RMND5A: variants seen among roughly 807,000 people sequenced by gnomAD.
The protein encoded by RMND5A is E3 ubiquitin-protein transferase RMND5A.
Under a neutral mutation model 49.7 loss-of-function variants are expected in RMND5A, and 17 were observed. The ratio of observed to expected loss-of-function variants is 0.34; its 90% CI spans 0.23 to 0.51. The LOEUF (loss-of-function observed/expected upper bound fraction) is 0.51. Among genes scored for constraint, RMND5A ranks in the 20% least tolerant of loss-of-function variants. The pLI is 0.96. For missense variants in RMND5A, 255 were observed against 471.3 expected, an observed-to-expected ratio of 0.54 and a Z score of 4.25; for synonymous variants, 156 against 167.7, an observed-to-expected ratio of 0.93 and a Z score of 0.54.
At chr2:86,752,419 A>C (rs1327557468) in intron 3 of RMND5A, among the ~76,000 whole-genome samples, 1 of 152,234 alleles carries the variant, frequency 6.6e-6, no homozygotes. Context: ...AAACGATTTT[A>C]TCAAATGAAT....
At chr2:86,759,219 T>C (rs1213232787) in intron 4 of RMND5A, among the ~76,000 whole-genome samples, 1 of 152,200 alleles carries the variant, frequency 6.6e-6, no homozygotes, top group East Asian at 1.9e-4. Context: ...TGAAATCTTG[T>C]ATTTATTTTT....
At chr2:86,743,253 G>GA (rs965890896) in intron 2 of RMND5A, among the ~76,000 whole-genome samples, 8 of 152,044 alleles carry the variant, frequency 5.3e-5, no homozygotes, top group African/African-American at 1.9e-4. Context: ...GATATCAAGG[G>GA]AACACATTTA....
At chr2:86,757,087 T>A (rs1681753149) in intron 4 of RMND5A, among the ~76,000 whole-genome samples, 1 of 148,868 alleles carries the variant, frequency 6.7e-6, no homozygotes, top group Non-Finnish European at 1.5e-5. Context: ...GGCAGGAGAA[T>A]CGCTTGAACC....
At chr2:86,732,401 A>G (rs1351711223) in intron 1 of RMND5A, among the ~76,000 whole-genome samples, 7 of 149,348 alleles carry the variant, frequency 4.7e-5, no homozygotes, top group Non-Finnish European at 1.0e-4. Context: ...TGTCAATATT[A>G]ATGATATATT....
chr2:86,770,251 T>G, intron 7 of RMND5A, 126 bp downstream of exon 7: 1 of 705,242 alleles, frequency 1.4e-6, no homozygotes. Context: ...CTTTTATGGA[T>G]ATATAAAAGA....
At chr2:86,734,489 C>T (rs1286275962) in intron 1 of RMND5A, among the ~76,000 whole-genome samples, 3 of 141,556 alleles carry the variant, frequency 2.1e-5, no homozygotes, top group Admixed American at 6.9e-5. Flanking sequence ...GAGTCTCGCT[C>T]TGTCACCGAG....
chr2:86,751,455 C>CACTT (rs1346404267), intron 2 of RMND5A, among the ~76,000 whole-genome samples: 1 of 152,180 alleles, frequency 6.6e-6, no homozygotes, highest in Non-Finnish European at 1.5e-5. Context: ...CCCCCACAAC[C>CACTT]ACTTTCAGCC....
At chr2:86,725,132 C>T (rs1347002006) in intron 1 of RMND5A, among the ~76,000 whole-genome samples, 1 of 62,624 alleles carries the variant, frequency 1.6e-5, no homozygotes. Context: ...TTTAGACTAA[C>T]GGAGTTCTAA....
intron 4 of RMND5A, among the ~76,000 whole-genome samples, chr2:86,761,684 C>T (rs1049591846): frequency 1.3e-5 from 2 of 152,106 alleles, no homozygotes; most frequent in Non-Finnish European, 2.9e-5. Context: ...CAAAGAAATA[C>T]GACTTTTAAG....
chr2:86,768,221 T>A (rs369317020), intron 6 of RMND5A, among the ~76,000 whole-genome samples: 5 of 152,360 alleles, frequency 3.3e-5, no homozygotes, highest in South Asian at 4.1e-4. Flanking sequence ...AAAGGGGTCC[T>A]GAAACCAAAA....
intron 4 of RMND5A, among the ~76,000 whole-genome samples, chr2:86,755,720 T>C (rs1681725152): frequency 6.6e-6 from 1 of 152,230 alleles, no homozygotes; most frequent in South Asian, 2.1e-4. Context: ...GTTATGTATA[T>C]TGATTATTTC....
intron 2 of RMND5A, among the ~76,000 whole-genome samples, chr2:86,748,962 C>T (rs1208322897): frequency 6.6e-6 from 1 of 152,170 alleles, no homozygotes; most frequent in Non-Finnish European, 1.5e-5. Context: ...CTTAATTCAT[C>T]TCTCTATTCT....
chr2:86,729,148 A>C (rs1031064805), intron 1 of RMND5A, among the ~76,000 whole-genome samples: 1 of 152,250 alleles, frequency 6.6e-6, no homozygotes, highest in Non-Finnish European at 1.5e-5. Context: ...GGTCTGCTTA[A>C]CATTGTAAAG....
At chr2:86,731,977 T>C (rs1258502518) in intron 1 of RMND5A, among the ~76,000 whole-genome samples, 6 of 44,838 alleles carry the variant, frequency 1.3e-4, no homozygotes, top group African/African-American at 8.4e-4. Flanking sequence ...CTGCGGAATC[T>C]TATTTCTGTG....
chr2:86,753,833 T>C (rs529483641), intron 4 of RMND5A, among the ~76,000 whole-genome samples: 2 of 152,352 alleles, frequency 1.3e-5, no homozygotes, highest in South Asian at 4.1e-4. Flanking sequence ...CCACTTTGTG[T>C]GGGCTGACAT....
chr2:86,769,917 G>A lies in RMND5A; in HGVS notation c.855-106G>A, dbSNP rs118097501. On this transcript the variant is annotated intron_variant, in intron 6 of 8. Transcript: ENST00000283632. ...GAACAGAAAGCTCTCACCCTGTCCA[G>A]TGGCCAGGGTCTGCAGCACATAGAG... The A allele has an allele frequency of 1.2e-3, 910 of 743,086 alleles. 11 individuals carry two copies. Among genetic ancestry groups the A allele is most frequent in the East Asian group, 1.7e-3 (69 of 40,094 alleles). 46.0% of individuals were successfully genotyped at this position (743,086 alleles called of 1,614,324 possible). A position where few individuals can be genotyped will look rare whatever the true frequency, so the allele number is the denominator to read the frequency against.
At chr2:86,769,837 G>A (rs1167118769) in intron 6 of RMND5A, among the ~76,000 whole-genome samples, 186 bp from the exon 7 acceptor site, 1 of 152,182 alleles carries the variant, frequency 6.6e-6, no homozygotes, top group African/African-American at 2.4e-5. Flanking sequence ...GGAAGAAGGG[G>A]AGGGAAAACA....
At chr2:86,745,013 T>A (rs888516391) in intron 2 of RMND5A, among the ~76,000 whole-genome samples, 38 of 152,238 alleles carry the variant, frequency 2.5e-4, no homozygotes, top group African/African-American at 8.7e-4. Flanking sequence ...TGACAATTTT[T>A]TTTTTTTTAG....
chr2:86,771,806 C>T, intron 8 of RMND5A, 94 bp downstream of exon 8: 1 of 1,062,414 alleles, frequency 9.4e-7, no homozygotes, highest in Non-Finnish European at 1.4e-6. Context: ...AAAAATGTAG[C>T]TAGATTTAGA....
Sources: allele counts gnomAD v4.1 joint callset (sites outside exome capture counted in the v4.1 genomes callset), GRCh38; gene constraint gnomAD v4.1.1; transcripts MANE v1.5; gene names NCBI Gene and HGNC (gene_info 2026-07-23, HGNC 2026-07-21).